The following KL variants were observed in gnomAD, a reference collection of about 807,000 sequenced individuals.
The protein encoded by KL is alpha-klotho.
In KL, 62 loss-of-function variants were observed where a neutral mutation model predicts 84.2. The observed-to-expected ratio is 0.74, with a 90% CI of 0.60 to 0.91. The LOEUF (loss-of-function observed/expected upper bound fraction) is 0.91, where lower values mean the gene tolerates loss of function less well. Ranked by LOEUF, KL falls within the 40% of genes least tolerant of loss-of-function variation. The probability of loss-of-function intolerance (pLI) is 0.00; values close to 1 mark genes in which losing one functional copy is unlikely to be tolerated. For synonymous variants in KL, 528 were observed against 528.0 expected, an observed-to-expected ratio of 1.00 and a Z score of 0.00; for missense variants, 1,261 against 1,305.7, an observed-to-expected ratio of 0.97 and a Z score of 0.53.
chr13:33,040,199 C>A (rs1871288077), intron 1 of KL, among the ~76,000 whole-genome samples: 1 of 152,176 alleles, frequency 6.6e-6, no homozygotes, highest in Non-Finnish European at 1.5e-5. Context: ...GTTTGAAATT[C>A]TGTCTTAAGG....
chr13:33,061,711 G>C lies in KL; in HGVS notation c.2632G>C (p.Gly878Arg). ...CATAATATCCAATGGAATCGATGAC[G>C]GGCTGCATGCTGAGGACGACCAGCT... is the stretch of plus-strand genomic sequence containing the variant. ...MYIISNGIDDGLHAEDDQLRV... is the reference protein window; with the variant it reads ...MYIISNGIDDRLHAEDDQLRV... The change falls in exon 4 of 5, where the codon GGG becomes CGG. Residue 878 changes from glycine (G) to arginine (R), a missense_variant. By Grantham distance (125) the Gly-to-Arg change is moderately radical. Transcript: ENST00000380099. 1 of 1,613,822 alleles carries C rather than the reference G, an allele frequency of 6.2e-7. No homozygotes were observed. The highest frequency in any genetic ancestry group is 8.5e-7 in the Non-Finnish European group (1 of 1,179,796).
At chr13:33,035,087 C>T (rs1182232324) in intron 1 of KL, among the ~76,000 whole-genome samples, 1 of 152,104 alleles carries the variant, frequency 6.6e-6, no homozygotes, top group Non-Finnish European at 1.5e-5. Context: ...AAGGCAAATG[C>T]GAAAGAAGGG....
intron 3 of KL, among the ~76,000 whole-genome samples, chr13:33,059,622 A>G (rs1249997183): frequency 1.3e-5 from 2 of 152,024 alleles, no homozygotes; most frequent in African/African-American, 4.8e-5. Context: ...ACAGGTGTGC[A>G]CCACCACACC....
intron 1 of KL, among the ~76,000 whole-genome samples, chr13:33,033,504 C>G (rs1247186003): frequency 6.6e-6 from 1 of 152,018 alleles, no homozygotes; most frequent in Non-Finnish European, 1.5e-5. Context: ...CACTGAAGGT[C>G]TTGCATTTGT....
At chr13:33,042,843 G>A (rs773505910) in intron 1 of KL, among the ~76,000 whole-genome samples, 4 of 151,824 alleles carry the variant, frequency 2.6e-5, no homozygotes, top group African/African-American at 4.8e-5. Context: ...CACCACACCT[G>A]GCTAAGTTTC....
At chr13:33,020,651 G>C (rs1001444518) in intron 1 of KL, among the ~76,000 whole-genome samples, 18 of 151,928 alleles carry the variant, frequency 1.2e-4, no homozygotes, top group African/African-American at 4.4e-4. Context: ...TTCATGTCTT[G>C]TTTCTAATCC....
At chr13:33,047,195 C>T (rs639981) in intron 1 of KL, among the ~76,000 whole-genome samples, 46,870 of 151,886 alleles carry the variant, frequency 0.31, 8,931 homozygotes, top group Admixed American at 0.45. Context: ...TGTTCAAAGC[C>T]TCCATTTTGT....
intron 1 of KL, among the ~76,000 whole-genome samples, chr13:33,018,899 TA>T (rs1870470237): frequency 6.6e-6 from 1 of 152,256 alleles, no homozygotes; most frequent in Admixed American, 6.5e-5. Context: ...CATTTTATTA[TA>T]AGATAAAGAC....
intron 3 of KL, among the ~76,000 whole-genome samples, chr13:33,059,184 G>C (rs1228615372): frequency 6.6e-6 from 1 of 152,166 alleles, no homozygotes; most frequent in Admixed American, 6.5e-5. Context: ...ACAGGCTTAG[G>C]GTGCAGATCT....
chr13:33,046,938 T>G (rs1406635059), intron 1 of KL, among the ~76,000 whole-genome samples: 1 of 152,184 alleles, frequency 6.6e-6, no homozygotes, highest in Non-Finnish European at 1.5e-5. Context: ...AATTTCCACG[T>G]ATTTGTGAAT....
chr13:33,037,805 A>G (rs1167784918), intron 1 of KL, among the ~76,000 whole-genome samples: 5 of 152,028 alleles, frequency 3.3e-5, no homozygotes, highest in Admixed American at 6.6e-5. Context: ...AACCTGTCCC[A>G]TTTGTCCCAG....
At chr13:33,052,894 A>G (rs573940188) in intron 1 of KL, among the ~76,000 whole-genome samples, 2 of 152,320 alleles carry the variant, frequency 1.3e-5, no homozygotes, top group East Asian at 3.9e-4. Context: ...GAGAAAGAGA[A>G]ACTCACTTCA....
intron 3 of KL, among the ~76,000 whole-genome samples, chr13:33,056,084 T>A (rs2138235676): frequency 6.6e-6 from 1 of 152,332 alleles, no homozygotes; most frequent in East Asian, 1.9e-4. Flanking sequence ...TAACCTTTGC[T>A]TTCAAAGGAG....
intron 1 of KL, among the ~76,000 whole-genome samples, chr13:33,037,129 A>G (rs1871168007): frequency 6.6e-6 from 1 of 152,200 alleles, no homozygotes; most frequent in Admixed American, 6.5e-5. Flanking sequence ...GTCTTGGGGA[A>G]CATTGGGGGT....
At chr13:33,042,400 C>T (rs1372706630) in intron 1 of KL, among the ~76,000 whole-genome samples, 14 of 152,120 alleles carry the variant, frequency 9.2e-5, no homozygotes, top group East Asian at 1.9e-4. Flanking sequence ...TTCTCACCTC[C>T]GTAGGAAACC....
intron 1 of KL, among the ~76,000 whole-genome samples, chr13:33,018,001 A>G (rs185581481): frequency 7.9e-4 from 121 of 152,356 alleles, no homozygotes; most frequent in Middle Eastern, 6.8e-3. Flanking sequence ...GATAAAATTA[A>G]TTGTAACACC....
chr13:33,058,520 T>C (rs1423096791), intron 3 of KL, among the ~76,000 whole-genome samples: 2 of 152,060 alleles, frequency 1.3e-5, no homozygotes, highest in Non-Finnish European at 2.9e-5. Context: ...TTTTGTATTT[T>C]TAGTAGAGAC....
chr13:33,051,822 G>C (rs748069610), intron 1 of KL, among the ~76,000 whole-genome samples: 45 of 152,314 alleles, frequency 3.0e-4, no homozygotes, highest in Non-Finnish European at 4.0e-4. Context: ...GGTAGATTTA[G>C]GACATGACTG....
At chr13:33,025,858 C>T (rs78813699) in intron 1 of KL, among the ~76,000 whole-genome samples, 8,602 of 152,236 alleles carry the variant, frequency 0.057, 339 homozygotes, top group South Asian at 0.11. Flanking sequence ...CCAAACATCC[C>T]TGTCATCTCT....
Sources: allele counts gnomAD v4.1 joint callset (sites outside exome capture counted in the v4.1 genomes callset), GRCh38; gene constraint gnomAD v4.1.1; transcripts MANE v1.5; gene names NCBI Gene and HGNC (gene_info 2026-07-23, HGNC 2026-07-21).